The following BMP7 variants were observed in gnomAD, a reference collection of about 807,000 sequenced individuals.
The protein encoded by BMP7 is osteogenic protein 1.
BMP7 carries 12 observed loss-of-function variants against 41.2 expected under a neutral mutation model. The observed-to-expected ratio is 0.29, with a 90% CI of 0.19 to 0.47. The LOEUF is 0.47. BMP7 is among the 20% of genes least tolerant of loss of function. BMP7 has a pLI of 0.99. For missense variants in BMP7, 467 were observed against 606.0 expected (o/e 0.77, Z 2.41); for synonymous variants, 248 against 250.0 (o/e 0.99, Z 0.07).
chr20:57,216,563 C>CTGAGGGTGAGGGGCTGTCTCT (rs1568718212), intron 2 of BMP7, among the ~76,000 whole-genome samples: 3 of 147,260 alleles, frequency 2.0e-5, no homozygotes, highest in South Asian at 2.1e-4. Context: ...GGGCTGTCTC[C>CTGAGGGTGAGGGGCTGTCTCT]TGAGGGTGAG....
chr20:57,213,227 G>A lies in BMP7; in HGVS notation c.612-10604C>T, dbSNP rs8114835. Reference sequence around the variant, plus strand: ...TCATGGGAAAGTCAGGAAGATGCCCGTCCAGCACCCGGAGGCCAGCGTTGT... The same window carrying A: ...TCATGGGAAAGTCAGGAAGATGCCCATCCAGCACCCGGAGGCCAGCGTTGT... On this transcript the variant is annotated intron_variant, in intron 2 of 6. Coordinates refer to ENST00000395863, the MANE Select transcript of BMP7 (RefSeq NM_001719.3). The surrounding 1 kb of genome is among the most constrained non-coding windows in gnomAD (Gnocchi z 4.4). Among the ~76,000 whole-genome samples the A allele has an allele frequency of 5.0e-3, 761 of 152,328 alleles. 4 individuals are homozygous for A. Among genetic ancestry groups the A allele is most frequent in the African/African-American group, 0.017 (719 of 41,572 alleles).
intron 3 of BMP7, among the ~76,000 whole-genome samples, chr20:57,198,428 A>ACTCCAGCCCTCATTCCTGTAG (rs1984552088): frequency 6.6e-6 from 1 of 151,868 alleles, no homozygotes; most frequent in African/African-American, 2.4e-5. Context: ...AGACAAACAG[A>ACTCCAGCCCTCATTCCTGTAG]CTCCAGCCCT....
rs1458174683 is a variant in BMP7, at chr20:57,215,991, A to C, written c.611+12238T>G. The C allele has an allele frequency of 6.6e-6, 1 of 152,192 alleles. No homozygotes were observed. The highest frequency in any genetic ancestry group is 1.5e-5 in the Non-Finnish European group (1 of 68,020). The allele number at this position is 152,192 out of a possible 1,614,324, so 9.4% of individuals were successfully genotyped here. ...GCAAAGCAGGGCGACAAGGGGAAAG[A>C]AACTTGACAGTGCTTTGCAGACAGA... On this transcript the variant is annotated intron_variant, in intron 2 of 6. Transcript: ENST00000395863. This position sits in a 1 kb window ranked among gnomAD's most constrained non-coding sequence, Gnocchi z 4.2.
At chr20:57,251,012 C>T (rs1266163507) in intron 1 of BMP7, among the ~76,000 whole-genome samples, 2 of 152,206 alleles carry the variant, frequency 1.3e-5, no homozygotes, top group Admixed American at 6.5e-5. Flanking sequence ...CTGCTCTGGA[C>T]CCCAGCACAA....
At chr20:57,251,565 C>T (rs2066113766) in intron 1 of BMP7, among the ~76,000 whole-genome samples, 1 of 152,116 alleles carries the variant, frequency 6.6e-6, no homozygotes, top group Non-Finnish European at 1.5e-5. Flanking sequence ...CAGAGGAGCT[C>T]CAGTGAACAT....
At chr20:57,258,957 T>C (rs928354190) in intron 1 of BMP7, among the ~76,000 whole-genome samples, 1 of 152,244 alleles carries the variant, frequency 6.6e-6, no homozygotes, top group Admixed American at 6.5e-5. Flanking sequence ...GCATGGGTGA[T>C]ATGATTTCTA....
At position 57,228,626 on chromosome 20, in the gene BMP7, C is replaced by T. The variant is rs1026302445; in HGVS notation, c.419-205G>A. On this transcript the variant is annotated intron_variant, in intron 1 of 6. Coordinates refer to ENST00000395863, the MANE Select transcript of BMP7 (RefSeq NM_001719.3). The surrounding 1 kb of genome is among the most constrained non-coding windows in gnomAD (Gnocchi z 4.5). The stretch of plus-strand genomic sequence containing the variant: ...AGACCCCATGGTCCCCATGGTCATC[C>T]TGAACGACAAGAGCATGATTCTGCA... Among the ~76,000 whole-genome samples, 3 of 152,292 alleles carry T rather than the reference C, an allele frequency of 2.0e-5. No individual in the cohort carries two copies. Among genetic ancestry groups the T allele is most frequent in the African/African-American group, 7.2e-5 (3 of 41,558 alleles).
intron 3 of BMP7, among the ~76,000 whole-genome samples, chr20:57,200,020 G>C (rs1185237929): frequency 6.6e-6 from 1 of 152,236 alleles, no homozygotes; most frequent in Non-Finnish European, 1.5e-5. Context: ...GAGGGTCTCA[G>C]GTGGGCTCTG....
At chr20:57,236,236 T>G (rs2066047154) in intron 1 of BMP7, among the ~76,000 whole-genome samples, 1 of 152,068 alleles carries the variant, frequency 6.6e-6, no homozygotes. Flanking sequence ...AGCAAGCATA[T>G]GAAGAGGGGG....
rs1266242879 is a variant in BMP7 at position 57,266,177 on chromosome 20, G to A, written c.-55C>T. The A allele has an allele frequency of 2.8e-6, 4 of 1,419,064 alleles. No individual in the cohort carries two copies. The African/African-American group carries it at 4.5e-5, about 16-fold the overall frequency. 87.9% of individuals were successfully genotyped at this position (1,419,064 alleles called of 1,614,324 possible). A position where few individuals can be genotyped will look rare whatever the true frequency, so the allele number is the denominator to read the frequency against. On this transcript the variant is annotated 5_prime_UTR_variant, in exon 1 of 7. Transcript: ENST00000395863. ...CGGGCTCCGGGCCCGCACCGCCCCA[G>A]GTGGCAGAGGGGGCAGGCGGCCGTC...
In BMP7 at chr20:57,221,733, C is replaced by T. The variant is rs1985193379; in HGVS notation, c.611+6496G>A. On this transcript the variant is annotated intron_variant, in intron 2 of 6. Transcript: ENST00000395863. ...GGCTCAGGTGGGACGATTGCTCCAA[C>T]CCAGGAGGTCGAGGCTGCAGTGAGC... Among the ~76,000 whole-genome samples, 3 of 151,008 alleles carry T rather than the reference C, an allele frequency of 2.0e-5. No individual in the cohort carries two copies. The South Asian group carries it at 6.3e-4, about 32-fold the overall frequency.
chr20:57,179,315 G>A (rs1444231345), intron 4 of BMP7, among the ~76,000 whole-genome samples: 1 of 151,658 alleles, frequency 6.6e-6, no homozygotes, highest in Admixed American at 6.5e-5. Context: ...CAGCCCTGAC[G>A]CCAGCACCGG....
chr20:57,235,386 T>C (rs1475563750), intron 1 of BMP7, among the ~76,000 whole-genome samples: 2 of 152,194 alleles, frequency 1.3e-5, no homozygotes, highest in Admixed American at 6.5e-5. Context: ...TGAAGCAGGA[T>C]TTCTGGGTCA....
intron 1 of BMP7, among the ~76,000 whole-genome samples, chr20:57,248,734 A>G (rs539868035): frequency 2.2e-4 from 33 of 152,138 alleles, no homozygotes; most frequent in Non-Finnish European, 3.7e-4. Flanking sequence ...TTTGTGCTGA[A>G]GCCATGCTAG....
intron 3 of BMP7, among the ~76,000 whole-genome samples, chr20:57,191,312 C>T (rs925270000): frequency 4.6e-5 from 7 of 152,044 alleles, no homozygotes; most frequent in Non-Finnish European, 7.4e-5. Context: ...AAGACAGGCG[C>T]AGGCTCTGGT....
At chr20:57,206,293 G>A (rs1437831982) in intron 2 of BMP7, among the ~76,000 whole-genome samples, 2 of 152,140 alleles carry the variant, frequency 1.3e-5, no homozygotes, top group African/African-American at 4.8e-5. Context: ...TGAGAATCTC[G>A]GTGCTTTCCA....
At position 57,266,268 on chromosome 20, in the gene BMP7, G is replaced by T; in HGVS notation, c.-146C>A. 2.6e-6 allele frequency: 2 copies of T among 770,256 alleles called. No individual in the cohort carries two copies. The highest frequency in any genetic ancestry group is 4.2e-5 in the South Asian group (1 of 23,940). 47.7% of individuals were successfully genotyped at this position (770,256 alleles called of 1,614,324 possible). A position where few individuals can be genotyped will look rare whatever the true frequency, so the allele number is the denominator to read the frequency against. ...CCCGCGCCAGACATGGCCCCTCCCC[G>T]GCCGGCCGCGCTCTGCCCGGACCCC... On this transcript the variant is annotated 5_prime_UTR_variant, in exon 1 of 7. Coordinates refer to ENST00000395863, the MANE Select transcript of BMP7 (RefSeq NM_001719.3).
chr20:57,178,167 G>T (rs750457347), intron 4 of BMP7: 1 of 152,494 alleles, frequency 6.6e-6, no homozygotes. Flanking sequence ...GGGTGGGGAG[G>T]CATCCAAGGG....
intron 2 of BMP7, among the ~76,000 whole-genome samples, chr20:57,216,441 T>TC (rs1339513208): frequency 6.6e-6 from 1 of 151,742 alleles, no homozygotes; most frequent in Non-Finnish European, 1.5e-5. Context: ...CTTCAGCCCG[T>TC]CAGAACCTCC....
Sources: allele counts gnomAD v4.1 joint callset (sites outside exome capture counted in the v4.1 genomes callset), GRCh38; gene constraint gnomAD v4.1.1; non-coding constraint Gnocchi (gnomAD v3.1); transcripts MANE v1.5; gene names NCBI Gene and HGNC (gene_info 2026-07-23, HGNC 2026-07-21).